Variants in TMEM30A observed in about 807,000 individuals in gnomAD.
The protein encoded by TMEM30A is cell division cycle 50 P4-ATPase accessory subunit A, also known as cell cycle control protein 50A.
TMEM30A carries 24 observed loss-of-function variants against 38.2 expected under a neutral mutation model. That is an observed-to-expected ratio of 0.63 (90% confidence interval 0.46 to 0.88). TMEM30A has a LOEUF of 0.88. Ranked by LOEUF, TMEM30A falls within the 40% of genes least tolerant of loss-of-function variation. The pLI, the probability that TMEM30A is intolerant of heterozygous loss-of-function variation, is 0.00. For synonymous variants in TMEM30A, 145 were observed against 161.6 expected (o/e 0.90, Z 0.78); for missense variants, 370 against 458.6 (o/e 0.81, Z 1.77).
At chr6:75,259,644 G>A (rs1250293455) in intron 4 of TMEM30A, among the ~76,000 whole-genome samples, 154 bp from the exon 5 acceptor site, 1 of 152,168 alleles carries the variant, frequency 6.6e-6, no homozygotes, top group African/African-American at 2.4e-5. Context: ...TTCCTATGTG[G>A]ATTAACTATG....
chr6:75,262,144 C>T (rs1771975736), intron 3 of TMEM30A, among the ~76,000 whole-genome samples: 1 of 151,834 alleles, frequency 6.6e-6, no homozygotes, highest in African/African-American at 2.4e-5. Flanking sequence ...TCCAGGTGTT[C>T]GAGATAAGCC....
rs1771834319 is a variant in TMEM30A at position 75,254,365 on chromosome 6, C to A, written c.*1737G>T. On this transcript the variant is annotated 3_prime_UTR_variant, in exon 7 of 7. Coordinates refer to ENST00000230461, the MANE Select transcript of TMEM30A (RefSeq NM_018247.4). ...AACTGCCAAGTGCAAGAGGGACAATCTTCAGAATAAATAATATTCTGAAGG... is the reference window on the plus strand; with the variant it reads ...AACTGCCAAGTGCAAGAGGGACAATATTCAGAATAAATAATATTCTGAAGG... The A allele has an allele frequency of 6.6e-6, 1 of 152,042 alleles. No homozygotes were observed. The highest frequency in any genetic ancestry group is 1.5e-5 in the Non-Finnish European group (1 of 67,974). The allele number at this position is 152,042 out of a possible 1,614,324, so 9.4% of individuals were successfully genotyped here.
chr6:75,263,134 TA>T (rs1772001707), intron 3 of TMEM30A, among the ~76,000 whole-genome samples: 1 of 151,516 alleles, frequency 6.6e-6, no homozygotes, highest in Non-Finnish European at 1.5e-5. Context: ...AGTTAAGACA[TA>T]AAAAAAAGAC....
chr6:75,266,714 G>T (rs185666704), intron 2 of TMEM30A, among the ~76,000 whole-genome samples: 4 of 152,260 alleles, frequency 2.6e-5, no homozygotes, highest in Admixed American at 1.3e-4. Context: ...GACAAAAGCA[G>T]AATTTATTGT....
rs1771833254 is a variant in TMEM30A at position 75,254,320 on chromosome 6, A to G, written c.*1782T>C. ...GAGTGGCAGAAACCCCTCTCCCCCAACAATGTATCCCCGAAAATAAACTGC... is the reference window on the plus strand; with the variant it reads ...GAGTGGCAGAAACCCCTCTCCCCCAGCAATGTATCCCCGAAAATAAACTGC... On this transcript the variant is annotated 3_prime_UTR_variant, in exon 7 of 7. Transcript: ENST00000230461. The G allele has an allele frequency of 6.6e-6, 1 of 152,012 alleles. No homozygotes were observed. Among genetic ancestry groups the G allele is most frequent in the Non-Finnish European group, 1.5e-5 (1 of 67,970 alleles). The allele number at this position is 152,012 out of a possible 1,614,324, so 9.4% of individuals were successfully genotyped here.
intron 1 of TMEM30A, among the ~76,000 whole-genome samples, chr6:75,271,805 T>C (rs1407948797): frequency 2.0e-5 from 3 of 152,198 alleles, no homozygotes; most frequent in African/African-American, 7.2e-5. Context: ...CTTTGCCCTC[T>C]AGCAGACTAC....
intron 1 of TMEM30A, chr6:75,284,146 C>T (rs1772414845): frequency 1.9e-6 from 1 of 536,008 alleles, no homozygotes; most frequent in South Asian, 2.0e-5. Context: ...CTGCATTAAA[C>T]ATTCATTCCG....
At chr6:75,269,867 G>T (rs554372201) in intron 1 of TMEM30A, among the ~76,000 whole-genome samples, 1 of 152,240 alleles carries the variant, frequency 6.6e-6, no homozygotes, top group East Asian at 1.9e-4. Flanking sequence ...GCTAATTTTT[G>T]TATTTTTAGT....
In TMEM30A at chr6:75,260,818, T is replaced by C. The variant is rs755456478; in HGVS notation, c.541+6A>G. ...ATATATGTCTATATTTGTATCTATA[T>C]CATACCATTAAACATGCTGTTGGCA... is the stretch of plus-strand genomic sequence containing the variant. On this transcript the variant is annotated splice_donor_region_variant and intron_variant, in intron 4 of 6. Transcript: ENST00000230461. The C allele has an allele frequency of 6.4e-7, 1 of 1,559,110 alleles. No homozygotes were observed. Among genetic ancestry groups the C allele is most frequent in the Non-Finnish European group, 8.7e-7 (1 of 1,152,474 alleles).
intron 1 of TMEM30A, among the ~76,000 whole-genome samples, chr6:75,274,052 A>G (rs1772218832): frequency 6.6e-6 from 1 of 152,248 alleles, no homozygotes; most frequent in South Asian, 2.1e-4. Flanking sequence ...ATTACAGGAT[A>G]ATATAATTTT....
At position 75,265,265 on chromosome 6, in the gene TMEM30A, T is replaced by A; in HGVS notation, c.419A>T (p.Asp140Val). Residue 140 changes from aspartate (D) to valine (V), a missense_variant, in exon 3 of 7, where the codon GAT becomes GTT. Transcript: ENST00000230461. ...ACTAGAATCTCCATTTAGTTGACTA[T>A]CATCTCGAGATTTCACGTAACGACG... is the stretch of plus-strand genomic sequence containing the variant. ...NHRRYVKSRD[D>V]SQLNGDSSAL... is the part of the protein sequence containing the mutation. 6.2e-7 allele frequency: 1 copy of A among 1,611,176 alleles called. No homozygotes were observed. Among genetic ancestry groups the A allele is most frequent in the Non-Finnish European group, 8.5e-7 (1 of 1,178,184 alleles).
chr6:75,275,964 G>A (rs1267109568), intron 1 of TMEM30A, among the ~76,000 whole-genome samples: 1 of 152,180 alleles, frequency 6.6e-6, no homozygotes, highest in African/African-American at 2.4e-5. Flanking sequence ...CCTGTGGGAA[G>A]GGGAAAGGGA....
At chr6:75,259,593 G>T in intron 4 of TMEM30A, 103 bp from the exon 5 acceptor site, 1 of 1,034,240 alleles carries the variant, frequency 9.7e-7, no homozygotes, top group South Asian at 2.2e-5. Context: ...TTCCAAAAGT[G>T]GTTGTGACAG....
chr6:75,277,731 C>T (rs1352609795), intron 1 of TMEM30A, among the ~76,000 whole-genome samples: 2 of 152,052 alleles, frequency 1.3e-5, no homozygotes, highest in Admixed American at 6.6e-5. Context: ...CAAGCGAGAC[C>T]CCCATCTCTA....
rs796656364 is a variant in TMEM30A at position 75,269,704 on chromosome 6, C to CT, written c.238-1957dup. The stretch of plus-strand genomic sequence containing the variant: ...TAGAGTAAGAGTATGTTTGCTTTTT[C>CT]TTTTTTTTTTGAGACGGAGTCTCAC... On this transcript the variant is annotated intron_variant, in intron 1 of 6. Coordinates refer to ENST00000230461, the MANE Select transcript of TMEM30A (RefSeq NM_018247.4). Among the ~76,000 whole-genome samples the CT allele has an allele frequency of 8.6e-3, 1,283 of 149,204 alleles. 15 individuals are homozygous for CT. Among genetic ancestry groups the CT allele is most frequent in the African/African-American group, 0.028 (1,146 of 40,808 alleles).
chr6:75,274,498 T>TA (rs1487880509), intron 1 of TMEM30A, among the ~76,000 whole-genome samples: 1 of 152,126 alleles, frequency 6.6e-6, no homozygotes, highest in East Asian at 1.9e-4. Context: ...GCCACCACAA[T>TA]AATCCAGGTG....
chr6:75,263,745 A>G (rs1474009959), intron 3 of TMEM30A, among the ~76,000 whole-genome samples: 1 of 152,220 alleles, frequency 6.6e-6, no homozygotes, highest in Non-Finnish European at 1.5e-5. Flanking sequence ...TAAGATAATA[A>G]GGCTGATGCC....
chr6:75,265,130 A>AT, intron 3 of TMEM30A, 101 bp downstream of exon 3: 1 of 755,902 alleles, frequency 1.3e-6, no homozygotes, highest in Non-Finnish European at 2.0e-6. Flanking sequence ...ACAAACTATA[A>AT]ATGACAACAC....
At chr6:75,280,041 CA>C (rs1005880541) in intron 1 of TMEM30A, among the ~76,000 whole-genome samples, 2 of 152,100 alleles carry the variant, frequency 1.3e-5, no homozygotes, top group Non-Finnish European at 2.9e-5. Flanking sequence ...TTAATGAAGA[CA>C]AAAGGTAAGT....
Sources: gnomAD v4.1 joint callset for allele counts (sites outside exome capture counted in the v4.1 genomes callset) on GRCh38, gnomAD v4.1.1 for gene constraint, MANE v1.5 for transcripts, NCBI Gene and HGNC (gene_info 2026-07-23, HGNC 2026-07-21) for gene names.